The following GRAMD1C variants were observed in gnomAD, a reference collection of about 807,000 sequenced individuals.
The protein encoded by GRAMD1C is protein Aster-C.
Under a neutral mutation model 97.8 loss-of-function variants are expected in GRAMD1C, and 89 were observed. The ratio of observed to expected loss-of-function variants is 0.91; its 90% CI spans 0.77 to 1.09. The LOEUF is 1.09. GRAMD1C is among the 50% of genes least tolerant of loss of function. The pLI is 0.00. For missense variants in GRAMD1C, 740 were observed against 766.4 expected (o/e 0.97, Z 0.41); for synonymous variants, 256 against 267.0 (o/e 0.96, Z 0.40).
At chr3:113,876,314 A>T (rs2107385688) in intron 5 of GRAMD1C, 54 bp downstream of exon 5, 1 of 857,726 alleles carries the variant, frequency 1.2e-6, no homozygotes, top group East Asian at 2.4e-5. Context: ...AATCTCCCTC[A>T]TACTCATCAT....
At chr3:113,926,638 T>C (rs1054022658) in intron 10 of GRAMD1C, among the ~76,000 whole-genome samples, 1 of 152,222 alleles carries the variant, frequency 6.6e-6, no homozygotes, top group Admixed American at 6.5e-5. Flanking sequence ...CTGTATGGAC[T>C]GATGTTCCTT....
intron 7 of GRAMD1C, among the ~76,000 whole-genome samples, chr3:113,902,085 C>G (rs993237942): frequency 2.6e-5 from 4 of 152,162 alleles, no homozygotes; most frequent in Admixed American, 2.0e-4. Flanking sequence ...AAATTGTACA[C>G]TTTACATGAA....
At chr3:113,870,414 T>A (rs999429552) in intron 3 of GRAMD1C, among the ~76,000 whole-genome samples, 7 of 151,756 alleles carry the variant, frequency 4.6e-5, no homozygotes, top group African/African-American at 1.7e-4. Context: ...GAATGATGGT[T>A]ACCAGAGGGC....
chr3:113,828,229 G>A (rs1709511909), exon 1 of GRAMD1C: 1 of 152,306 alleles, frequency 6.6e-6, no homozygotes, highest in Non-Finnish European at 1.5e-5. Flanking sequence ...ATGTCCATAT[G>A]GAGAGGAATT....
chr3:113,834,856 C>G (rs1262689794), upstream of GRAMD1C, among the ~76,000 whole-genome samples: 1 of 150,080 alleles, frequency 6.7e-6, no homozygotes, highest in Non-Finnish European at 1.5e-5. Flanking sequence ...AGGAGAATCG[C>G]TTGAACACAG....
chr3:113,908,193 G>A (rs184924664), intron 8 of GRAMD1C, among the ~76,000 whole-genome samples: 33 of 152,216 alleles, frequency 2.2e-4, no homozygotes, highest in African/African-American at 7.9e-4. Flanking sequence ...AAAATATTCT[G>A]CTGTATAGTT....
In GRAMD1C at chr3:113,838,946, G is replaced by T. The variant is rs1351812012; in HGVS notation, c.27+10G>T. 1.9e-6 allele frequency: 2 copies of T among 1,060,262 alleles called. No homozygotes were observed. The highest frequency in any genetic ancestry group is 1.2e-6 in the Non-Finnish European group (1 of 828,364). The allele number at this position is 1,060,262 out of a possible 1,614,324, so 65.7% of individuals were successfully genotyped here. A position where few individuals can be genotyped will look rare whatever the true frequency, so the allele number is the denominator to read the frequency against. On this transcript the variant is annotated intron_variant, in intron 1 of 17. Coordinates refer to ENST00000358160, the MANE Select transcript of GRAMD1C (RefSeq NM_017577.5). The stretch of plus-strand genomic sequence containing the variant: ...TCCGACTGTCCGTCAGGTAAGCCGC[G>T]GGCCTCGCTGGGGCAGGTTCCCATC...
At chr3:113,857,004 A>G (rs534618418) in intron 2 of GRAMD1C, among the ~76,000 whole-genome samples, 1 of 152,002 alleles carries the variant, frequency 6.6e-6, no homozygotes, top group South Asian at 2.1e-4. Flanking sequence ...AGACTTGGCT[A>G]ATTTTTGTAT....
chr3:113,919,790 A>G (rs1577205955), intron 10 of GRAMD1C: 2 of 616,422 alleles, frequency 3.2e-6, no homozygotes, highest in African/African-American at 3.7e-5. Context: ...AAAGCATGTA[A>G]TTGTTGGAAA....
intron 2 of GRAMD1C, among the ~76,000 whole-genome samples, chr3:113,848,493 A>AT (rs1213165136): frequency 8.6e-5 from 3 of 34,842 alleles, no homozygotes; most frequent in Admixed American, 5.4e-4. Context: ...TAGTTGTTGT[A>AT]TTTGTTTTTT....
chr3:113,925,490 C>T (rs1262524501), intron 10 of GRAMD1C, among the ~76,000 whole-genome samples: 4 of 151,784 alleles, frequency 2.6e-5, no homozygotes, highest in Admixed American at 6.6e-5. Context: ...AACAAACAAA[C>T]AAACAAACAA....
chr3:113,944,968 C>T (rs1937997530), intron 17 of GRAMD1C, among the ~76,000 whole-genome samples: 1 of 152,112 alleles, frequency 6.6e-6, no homozygotes, highest in African/African-American at 2.4e-5. Context: ...GGCAGAATGA[C>T]TGGGGAAAAC....
At chr3:113,929,430 A>G (rs777562620) in intron 10 of GRAMD1C, among the ~76,000 whole-genome samples, 26 of 152,332 alleles carry the variant, frequency 1.7e-4, no homozygotes, top group Non-Finnish European at 2.4e-4. Context: ...CTACAAGGGT[A>G]ACATTCATGG....
chr3:113,856,480 A>G (rs538101205), intron 2 of GRAMD1C, among the ~76,000 whole-genome samples: 32 of 151,928 alleles, frequency 2.1e-4, no homozygotes, highest in Non-Finnish European at 2.8e-4. Flanking sequence ...GCCACCCCCT[A>G]TGTTACCCCC....
intron 10 of GRAMD1C, among the ~76,000 whole-genome samples, chr3:113,917,270 A>G (rs993065771): frequency 6.6e-6 from 1 of 152,228 alleles, no homozygotes; most frequent in Non-Finnish European, 1.5e-5. Context: ...GCAGAGATTC[A>G]TATAAAGTGA....
intron 2 of GRAMD1C, among the ~76,000 whole-genome samples, chr3:113,847,042 A>G (rs537052212): frequency 6.6e-5 from 10 of 152,282 alleles, no homozygotes; most frequent in Admixed American, 1.3e-4. Flanking sequence ...TCAAATCTTC[A>G]TTTGGTGTTT....
intron 10 of GRAMD1C, among the ~76,000 whole-genome samples, chr3:113,925,159 A>G (rs1256131301): frequency 1.3e-5 from 2 of 152,144 alleles, no homozygotes; most frequent in South Asian, 2.1e-4. Context: ...CATTGAGCCT[A>G]TGGATGCCAT....
chr3:113,936,185 A>G (rs114219447), intron 13 of GRAMD1C, 81 bp from the exon 14 acceptor site: 2 of 781,504 alleles, frequency 2.6e-6, no homozygotes, highest in Non-Finnish European at 2.0e-6. Flanking sequence ...GAAAATTATC[A>G]AAAATAACCA....
At chr3:113,887,085 G>GGT (rs1935523716) in intron 6 of GRAMD1C, among the ~76,000 whole-genome samples, 1 of 71,456 alleles carries the variant, frequency 1.4e-5, no homozygotes, top group Non-Finnish European at 2.9e-5. Flanking sequence ...TGGCCTTTTT[G>GGT]TTTTTTTTTT....
Sources: allele counts gnomAD v4.1 joint callset (sites outside exome capture counted in the v4.1 genomes callset), GRCh38; gene constraint gnomAD v4.1.1; transcripts MANE v1.5; gene names NCBI Gene and HGNC (gene_info 2026-07-23, HGNC 2026-07-21).